ADAM19: variants seen among roughly 807,000 people sequenced by gnomAD.
ADAM19 encodes ADAM metallopeptidase domain 19, also known as disintegrin and metalloproteinase domain-containing protein 19.
ADAM19 carries 65 observed loss-of-function variants against 114.7 expected under a neutral mutation model. That is an observed-to-expected ratio of 0.57 (90% CI 0.46 to 0.70). The LOEUF (loss-of-function observed/expected upper bound fraction) is 0.70. Ranked by LOEUF, ADAM19 falls within the 30% of genes least tolerant of loss-of-function variation. ADAM19 has a pLI of 0.00. For missense variants in ADAM19, 1,063 were observed against 1,204.7 expected, an observed-to-expected ratio of 0.88 and a Z score of 1.74; for synonymous variants, 466 against 460.5, an observed-to-expected ratio of 1.01 and a Z score of -0.15.
At chr5:157,518,950 C>T (rs997203803) in intron 6 of ADAM19, 62 bp from the exon 7 acceptor site, 1 of 1,408,688 alleles carries the variant, frequency 7.1e-7, no homozygotes, top group Non-Finnish European at 1.0e-6. Context: ...TTTTAAAAAA[C>T]TGCTAAGAAA....
chr5:157,525,035 C>T (rs1756414830), intron 5 of ADAM19, among the ~76,000 whole-genome samples: 1 of 152,228 alleles, frequency 6.6e-6, no homozygotes, highest in African/African-American at 2.4e-5. Flanking sequence ...AGTTTGCACT[C>T]CTCACCTATT....
At chr5:157,557,281 C>A (rs1475517469) in intron 3 of ADAM19, among the ~76,000 whole-genome samples, 1 of 152,140 alleles carries the variant, frequency 6.6e-6, no homozygotes, top group African/African-American at 2.4e-5. Context: ...ACCACCCAAC[C>A]GGAAGTGTCA....
At chr5:157,485,908 T>C (rs1003943934) in intron 21 of ADAM19, among the ~76,000 whole-genome samples, 9 of 152,206 alleles carry the variant, frequency 5.9e-5, no homozygotes, top group Non-Finnish European at 1.2e-4. Context: ...CAGTGACACA[T>C]ATCCCAGAGT....
intron 7 of ADAM19, among the ~76,000 whole-genome samples, chr5:157,518,312 G>T (rs562411460): frequency 2.6e-5 from 4 of 151,974 alleles, no homozygotes; most frequent in Admixed American, 6.5e-5. Context: ...GTGTGGAGGT[G>T]GGGGAGGAAG....
intron 3 of ADAM19, among the ~76,000 whole-genome samples, chr5:157,562,945 G>C (rs1252524299): frequency 1.3e-5 from 2 of 152,102 alleles, no homozygotes; most frequent in Non-Finnish European, 2.9e-5. Context: ...AGGCTCTACT[G>C]GGGGCAGAAC....
intron 21 of ADAM19, among the ~76,000 whole-genome samples, chr5:157,486,706 T>C (rs968578007): frequency 6.6e-6 from 1 of 151,892 alleles, no homozygotes; most frequent in African/African-American, 2.4e-5. Context: ...CTGGCACTCC[T>C]GTTCTCCTGT....
chr5:157,534,888 T>C lies in ADAM19; in HGVS notation c.330+3025A>G, dbSNP rs1756719743. On this transcript the variant is annotated intron_variant, in intron 4 of 22. Coordinates refer to ENST00000257527, the MANE Select transcript of ADAM19 (RefSeq NM_033274.5). ...CTCCATCCTCTGCCTCTCCCAGCAGTAGCAAAGGAGGAACTTGGCTTGTCA... is the reference window on the plus strand; with the variant it reads ...CTCCATCCTCTGCCTCTCCCAGCAGCAGCAAAGGAGGAACTTGGCTTGTCA... Among the ~76,000 whole-genome samples, 12 of 152,316 alleles carry C rather than the reference T, an allele frequency of 7.9e-5. No individual in the cohort carries two copies. The South Asian group carries it at 2.5e-3, about 32-fold the overall frequency.
chr5:157,519,192 C>T (rs1387816014), intron 6 of ADAM19, among the ~76,000 whole-genome samples: 1 of 152,198 alleles, frequency 6.6e-6, no homozygotes, highest in Non-Finnish European at 1.5e-5. Context: ...GTGTGCTAAC[C>T]ACCACGTTCC....
At chr5:157,482,697 C>G (rs1030674913) in intron 21 of ADAM19, among the ~76,000 whole-genome samples, 1 of 152,136 alleles carries the variant, frequency 6.6e-6, no homozygotes, top group Non-Finnish European at 1.5e-5. Context: ...CCAGCAATCC[C>G]ACTACTGGAT....
At position 157,519,826 on chromosome 5, in the gene ADAM19, C is replaced by A; in HGVS notation, c.600+13G>T. 1.9e-6 allele frequency: 3 copies of A among 1,602,418 alleles called. No homozygotes were observed. The highest frequency in any genetic ancestry group is 2.6e-6 in the Non-Finnish European group (3 of 1,172,772). ...CCCAGGTTGATTTCTGCACTGAGAG[C>A]CTCAAAACTCACCCTGCGAGGTCGC... is the stretch of plus-strand genomic sequence containing the variant. On this transcript the variant is annotated intron_variant, in intron 6 of 22. Transcript: ENST00000257527.
At chr5:157,535,260 G>A (rs1389380960) in intron 4 of ADAM19, among the ~76,000 whole-genome samples, 2 of 152,184 alleles carry the variant, frequency 1.3e-5, no homozygotes, top group Non-Finnish European at 2.9e-5. Context: ...CCTTTCTGTT[G>A]GAACACATTC....
At chr5:157,574,508 A>C (rs1366804661) in intron 1 of ADAM19, among the ~76,000 whole-genome samples, 2 of 152,242 alleles carry the variant, frequency 1.3e-5, no homozygotes, top group Non-Finnish European at 1.5e-5. Flanking sequence ...AAGAGCTCTC[A>C]GCCTCTGGGT....
intron 21 of ADAM19, among the ~76,000 whole-genome samples, chr5:157,484,313 G>A (rs910406182): frequency 2.0e-5 from 3 of 152,128 alleles, no homozygotes; most frequent in Admixed American, 2.0e-4. Flanking sequence ...AAGCAGTGTG[G>A]GGTCCGTATC....
intron 11 of ADAM19, 48 bp downstream of exon 11, chr5:157,505,621 A>G: frequency 6.2e-7 from 1 of 1,603,586 alleles, no homozygotes; most frequent in South Asian, 1.1e-5. Flanking sequence ...CACACTGTCC[A>G]GGTGTGCCCG....
At chr5:157,499,773 CTTTTTTT>C (rs553103564) in intron 12 of ADAM19, 111 bp from the exon 13 acceptor site, 129 of 419,728 alleles carry the variant, frequency 3.1e-4, no homozygotes, top group Middle Eastern at 6.8e-4. Flanking sequence ...GCAACTATCT[CTTTTTTT>C]TTTTTTTTTT....
intron 4 of ADAM19, among the ~76,000 whole-genome samples, chr5:157,537,369 CG>C (rs1756796098): frequency 1.3e-5 from 2 of 152,178 alleles, no homozygotes; most frequent in South Asian, 4.2e-4. Context: ...TTTGACATTG[CG>C]TAAACATCCC....
chr5:157,564,623 C>T (rs549570417), intron 2 of ADAM19, among the ~76,000 whole-genome samples, 180 bp from the exon 3 acceptor site: 1 of 152,308 alleles, frequency 6.6e-6, no homozygotes, highest in East Asian at 1.9e-4. Context: ...CAAATCCTTC[C>T]CCCATCTGCT....
At chr5:157,499,895 C>T (rs1755503975) in intron 12 of ADAM19, among the ~76,000 whole-genome samples, 1 of 151,674 alleles carries the variant, frequency 6.6e-6, no homozygotes, top group African/African-American at 2.4e-5. Flanking sequence ...TCTCCCGCCT[C>T]AGCCTCCGAA....
chr5:157,525,583 C>G (rs1756429544), intron 5 of ADAM19, among the ~76,000 whole-genome samples: 1 of 152,134 alleles, frequency 6.6e-6, no homozygotes, highest in Admixed American at 6.5e-5. Context: ...CCACTGACCA[C>G]CCACCCCACT....
Sources: allele counts gnomAD v4.1 joint callset (sites outside exome capture counted in the v4.1 genomes callset), GRCh38; gene constraint gnomAD v4.1.1; transcripts MANE v1.5; gene names NCBI Gene and HGNC (gene_info 2026-07-23, HGNC 2026-07-21).